The following PRR29 variants were observed in gnomAD, a reference collection of about 807,000 sequenced individuals.
PRR29 encodes proline-rich protein 29.
In PRR29, 20 loss-of-function variants were observed where a neutral mutation model predicts 25.1. The observed-to-expected ratio is 0.80, with a 90% confidence interval of 0.56 to 1.16. PRR29 has a LOEUF of 1.16. Ranked by LOEUF, PRR29 falls within the 50% of genes most tolerant of loss-of-function variation. The probability of loss-of-function intolerance (pLI) is 0.00; values close to 1 mark genes in which losing one functional copy is unlikely to be tolerated. For synonymous variants in PRR29, 108 were observed against 102.6 expected, an observed-to-expected ratio of 1.05 and a Z score of -0.32; for missense variants, 238 against 246.6, an observed-to-expected ratio of 0.97 and a Z score of 0.23.
intron 1 of PRR29, 32 bp from the exon 2 acceptor site, chr17:63,998,675 C>A: frequency 1.5e-6 from 2 of 1,320,900 alleles, no homozygotes; most frequent in South Asian, 1.3e-5. Context: ...ATTCCCCCCA[C>A]CCCACCTGGC....
chr17:64,003,300 G>A lies in PRR29; in HGVS notation c.*1539G>A. 1 of 427,446 alleles carries A rather than the reference G, an allele frequency of 2.3e-6. No individual in the cohort carries two copies. The highest frequency in any genetic ancestry group is 2.8e-5 in the South Asian group (1 of 36,114). The allele number at this position is 427,446 out of a possible 1,614,324, so 26.5% of individuals were successfully genotyped here. ...TTCATGCCAGGCTCCCTGTGTGCCGGCCGTCCAGGGTCACCAAGCAGCAGA... is the reference window on the plus strand; with the variant it reads ...TTCATGCCAGGCTCCCTGTGTGCCGACCGTCCAGGGTCACCAAGCAGCAGA... On this transcript the variant is annotated 3_prime_UTR_variant, in exon 6 of 6. Coordinates refer to ENST00000412177, the MANE Select transcript of PRR29 (RefSeq NM_001164257.2).
chr17:63,999,239 T>G (rs1910393039), intron 3 of PRR29, 165 bp downstream of exon 3: 6 of 628,506 alleles, frequency 9.5e-6, no homozygotes, highest in Non-Finnish European at 1.7e-5. Flanking sequence ...TCAGCCTCCA[T>G]GAAAGGTTGG....
rs1377688340 is a variant in PRR29 at position 64,001,769 on chromosome 17, C to T, written c.*8C>T. 1 of 1,537,032 alleles carries T rather than the reference C, an allele frequency of 6.5e-7. No individual in the cohort carries two copies. The highest frequency in any genetic ancestry group is 8.7e-7 in the Non-Finnish European group (1 of 1,146,884). ...GCCGAGAGCCTCCTATGAGGACAGA[C>T]CCCGGCCCTGGGAACTGCACCAGCT... On this transcript the variant is annotated 3_prime_UTR_variant, in exon 6 of 6. Coordinates refer to ENST00000412177, the MANE Select transcript of PRR29 (RefSeq NM_001164257.2).
Position 64,001,097 on chromosome 17 carries a change from T to G in PRR29, c.257T>G (p.Val86Gly). ...CACAATCCCCAGGTCTACCTGGAGG[T>G]TCCACAGGAAGAGCCTGAGGAGGAG... Reference protein sequence around the residue: ...ASPCPQVYLEVPQEEPEEEEE... With the variant: ...ASPCPQVYLEGPQEEPEEEEE... Residue 86 changes from valine to glycine, a missense_variant, in exon 4 of 6, where the codon GTT becomes GGT. By Grantham distance (109) the Val-to-Gly change is moderately radical. Coordinates refer to ENST00000412177, the MANE Select transcript of PRR29 (RefSeq NM_001164257.2). The G allele has an allele frequency of 6.5e-7, 1 of 1,537,314 alleles. No homozygotes were observed. Among genetic ancestry groups the G allele is most frequent in the South Asian group, 1.2e-5 (1 of 84,054 alleles).
In PRR29 at chr17:63,998,715, C is replaced by A. The variant is rs1356646254; in HGVS notation, c.69C>A (p.Val23=). The A allele has an allele frequency of 7.2e-6, 11 of 1,524,628 alleles. No homozygotes were observed. The highest frequency in any genetic ancestry group is 1.2e-5 in the South Asian group (1 of 83,138). 94.4% of individuals were successfully genotyped at this position (1,524,628 alleles called of 1,614,324 possible). A position where few individuals can be genotyped will look rare whatever the true frequency, so the allele number is the denominator to read the frequency against. The stretch of plus-strand genomic sequence containing the variant: ...TCCGCGCACACCCCCAGCCCTGGGT[C>A]ACCTTCCTGCAGCCCCTCTCGTGGG... ...PPQSAVPTPW[V]TFLQPLSWAV... The change falls in exon 2 of 6, where the codon GTC becomes GTA. Residue 23 remains valine (V), a synonymous_variant. Transcript: ENST00000412177.
chr17:64,003,575 G>T lies in PRR29; in HGVS notation c.*1814G>T. On this transcript the variant is annotated 3_prime_UTR_variant, in exon 6 of 6. Transcript: ENST00000412177. Reference sequence around the variant, plus strand: ...TGTTTGCTTCCCAAGTGGGACTCAAGATTTTTCTTCCCCCGAGGGGCTGAA... The same window carrying T: ...TGTTTGCTTCCCAAGTGGGACTCAATATTTTTCTTCCCCCGAGGGGCTGAA... 2 of 1,457,824 alleles carry T rather than the reference G, an allele frequency of 1.4e-6. No individual in the cohort carries two copies. Among genetic ancestry groups the T allele is most frequent in the Non-Finnish European group, 9.4e-7 (1 of 1,062,408 alleles). The allele number at this position is 1,457,824 out of a possible 1,614,324, so 90.3% of individuals were successfully genotyped here. A position where few individuals can be genotyped will look rare whatever the true frequency, so the allele number is the denominator to read the frequency against.
At chr17:63,998,539 A>AAG in intron 1 of PRR29, 115 bp downstream of exon 1, 1 of 1,265,562 alleles carries the variant, frequency 7.9e-7, no homozygotes, top group Non-Finnish European at 1.1e-6. Flanking sequence ...AGACAGCCCC[A>AAG]AACCGAGAGG....
chr17:64,001,878 C>T lies in PRR29; in HGVS notation c.*117C>T. On this transcript the variant is annotated 3_prime_UTR_variant, in exon 6 of 6. Transcript: ENST00000412177. ...TGCCCATGGCTGGCAGTCCTTCTCACTCCCTCAACCTCAGCCAGGCCCTCT... is the reference window on the plus strand; with the variant it reads ...TGCCCATGGCTGGCAGTCCTTCTCATTCCCTCAACCTCAGCCAGGCCCTCT... The T allele has an allele frequency of 1.3e-6, 2 of 1,536,748 alleles. No homozygotes were observed. Among genetic ancestry groups the T allele is most frequent in the Non-Finnish European group, 1.7e-6 (2 of 1,146,894 alleles).
At position 64,001,850 on chromosome 17, in the gene PRR29, C is replaced by T. The variant is rs9891953; in HGVS notation, c.*89C>T. 6.0e-4 allele frequency: 915 copies of T among 1,536,976 alleles called. 6 individuals carry two copies. In the African/African-American group the frequency reaches 0.011, roughly 18 times the overall value. ...TCCTGCACCTCTCTTGTCGACTCCC[C>T]GGTGCCCATGGCTGGCAGTCCTTCT... On this transcript the variant is annotated 3_prime_UTR_variant, in exon 6 of 6. Coordinates refer to ENST00000412177, the MANE Select transcript of PRR29 (RefSeq NM_001164257.2).
intron 3 of PRR29, 116 bp downstream of exon 3, chr17:63,999,190 C>T (rs1449247185): frequency 2.5e-6 from 2 of 788,866 alleles, no homozygotes; most frequent in Non-Finnish European, 4.1e-6. Context: ...GGAAGCCAGC[C>T]CGTCTCTCTG....
At position 63,998,800 on chromosome 17, in the gene PRR29, CCCCA is replaced by C; in HGVS notation, c.136+22_136+25del. ...GAAGGAAGGTGAGACTCCCGGGTCC[CCCCA>C]CCCCACCCCCACCATCACCACCACT... On this transcript the variant is annotated intron_variant, in intron 2 of 5. Coordinates refer to ENST00000412177, the MANE Select transcript of PRR29 (RefSeq NM_001164257.2). 8.8e-7 allele frequency: 1 copy of C among 1,134,686 alleles called. No individual in the cohort carries two copies. Among genetic ancestry groups the C allele is most frequent in the Non-Finnish European group, 1.3e-6 (1 of 784,186 alleles). 70.3% of individuals were successfully genotyped at this position (1,134,686 alleles called of 1,614,324 possible).
In PRR29 at chr17:64,001,903, T is replaced by G. The variant is rs755077728; in HGVS notation, c.*142T>G. On this transcript the variant is annotated 3_prime_UTR_variant, in exon 6 of 6. Transcript: ENST00000412177. ...CTCCCTCAACCTCAGCCAGGCCCTCTTCTCCTGGGGAAATCAGTCCCTGCC... is the reference window on the plus strand; with the variant it reads ...CTCCCTCAACCTCAGCCAGGCCCTCGTCTCCTGGGGAAATCAGTCCCTGCC... The G allele has an allele frequency of 7.8e-6, 12 of 1,535,970 alleles. No homozygotes were observed. The highest frequency in any genetic ancestry group is 1.0e-5 in the Non-Finnish European group (12 of 1,146,654).
rs1280901361 is a variant in PRR29 at position 63,998,866 on chromosome 17, C to G, written c.136+84C>G. 2.3e-6 allele frequency: 3 copies of G among 1,311,938 alleles called. No homozygotes were observed. The African/African-American group carries it at 4.4e-5, about 19-fold the overall frequency. 81.3% of individuals were successfully genotyped at this position (1,311,938 alleles called of 1,614,324 possible). A position where few individuals can be genotyped will look rare whatever the true frequency, so the allele number is the denominator to read the frequency against. On this transcript the variant is annotated intron_variant, in intron 2 of 5. Transcript: ENST00000412177. ...GCCTCGCACATCCTCTGGGAGTCCC[C>G]GCAGCACAACCCGCCAACCCATTCT...
Position 64,002,550 on chromosome 17 carries a change from C to T in PRR29, c.*789C>T, listed in dbSNP as rs914291990. On this transcript the variant is annotated 3_prime_UTR_variant, in exon 6 of 6. Coordinates refer to ENST00000412177, the MANE Select transcript of PRR29 (RefSeq NM_001164257.2). ...AGGGGTCCCCCATGGTGGCTCCCCT[C>T]CCTGGCCATTGTTATCCCAGGAGGA... 8.5e-6 allele frequency: 5 copies of T among 589,490 alleles called. No homozygotes were observed. In the East Asian group the frequency reaches 1.1e-4, roughly 13 times the overall value. The allele number at this position is 589,490 out of a possible 1,614,324, so 36.5% of individuals were successfully genotyped here.
chr17:64,001,003 C>G, intron 3 of PRR29, 81 bp from the exon 4 acceptor site: 1 of 1,195,178 alleles, frequency 8.4e-7, no homozygotes. Context: ...GAGGAAATAA[C>G]TTAGGGGAAT....
In PRR29 at chr17:64,003,896, C is replaced by T. The variant is rs941334162; in HGVS notation, c.*2135C>T. On this transcript the variant is annotated 3_prime_UTR_variant, in exon 6 of 6. Coordinates refer to ENST00000412177, the MANE Select transcript of PRR29 (RefSeq NM_001164257.2). ...GGCTCCACGGTGGGCACCCTGCACTCAATGGTGAAGGACTTGCCCACAGCC... is the reference window on the plus strand; with the variant it reads ...GGCTCCACGGTGGGCACCCTGCACTTAATGGTGAAGGACTTGCCCACAGCC... 4.3e-6 allele frequency: 7 copies of T among 1,614,040 alleles called. No homozygotes were observed. The African/African-American group carries it at 8.0e-5, about 18-fold the overall frequency.
chr17:63,998,948 T>C lies in PRR29; in HGVS notation c.137-20T>C. 1 of 1,535,504 alleles carries C rather than the reference T, an allele frequency of 6.5e-7. No individual in the cohort carries two copies. The highest frequency in any genetic ancestry group is 1.2e-5 in the South Asian group (1 of 84,044). ...GGGACTCGGAGGCCCGGCGTGGGCTTGCTGAACCCCGCTTCCTAGACCTGC... is the reference window on the plus strand; with the variant it reads ...GGGACTCGGAGGCCCGGCGTGGGCTCGCTGAACCCCGCTTCCTAGACCTGC... On this transcript the variant is annotated intron_variant, in intron 2 of 5. Transcript: ENST00000412177.
chr17:64,003,452 C>G lies in PRR29; in HGVS notation c.*1691C>G. The G allele has an allele frequency of 1.6e-6, 1 of 610,880 alleles. No homozygotes were observed. Among genetic ancestry groups the G allele is most frequent in the African/African-American group, 1.9e-5 (1 of 54,018 alleles). 37.8% of individuals were successfully genotyped at this position (610,880 alleles called of 1,614,324 possible). On this transcript the variant is annotated 3_prime_UTR_variant, in exon 6 of 6. Transcript: ENST00000412177. Reference sequence around the variant, plus strand: ...GAGGAACTAGTTGACCTCTCCCGACCTCTGGAGCAGTTGAGGTCCAAGCTG... The same window carrying G: ...GAGGAACTAGTTGACCTCTCCCGACGTCTGGAGCAGTTGAGGTCCAAGCTG...
At chr17:63,999,175 G>C in intron 3 of PRR29, 101 bp downstream of exon 3, 1 of 886,334 alleles carries the variant, frequency 1.1e-6, no homozygotes, top group South Asian at 1.5e-5. Context: ...GGAGACAGAG[G>C]AGCAGGAAGC....
Sources: allele counts gnomAD v4.1 joint callset, GRCh38; gene constraint gnomAD v4.1.1; transcripts MANE v1.5; gene names NCBI Gene and HGNC (gene_info 2026-07-23, HGNC 2026-07-21).